Variants in TTC23 observed in about 807,000 individuals in gnomAD.
TTC23 encodes tetratricopeptide repeat domain 23, also known as tetratricopeptide repeat protein 23.
Under a neutral mutation model 55.1 loss-of-function variants are expected in TTC23, and 58 were observed. That is an observed-to-expected ratio of 1.05 (90% CI 0.85 to 1.31). The LOEUF (loss-of-function observed/expected upper bound fraction) is 1.31. Ranked by LOEUF, TTC23 falls within the 50% of genes most tolerant of loss-of-function variation. The pLI, the probability that TTC23 is intolerant of heterozygous loss-of-function variation, is 0.00. For synonymous variants in TTC23, 203 were observed against 199.9 expected, an observed-to-expected ratio of 1.02 and a Z score of -0.13; for missense variants, 516 against 534.4, an observed-to-expected ratio of 0.97 and a Z score of 0.34.
chr15:99,155,853 A>C, intron 12 of TTC23: 1 of 441,268 alleles, frequency 2.3e-6, no homozygotes, highest in Non-Finnish European at 4.0e-6. Context: ...CTATAAACTC[A>C]GTATAGAGAG....
At position 99,200,179 on chromosome 15, in the gene TTC23, G is replaced by A. The variant is rs546000627; in HGVS notation, c.582-83C>T. 9.7e-5 allele frequency: 122 copies of A among 1,253,956 alleles called. 1 individual carries two copies. The South Asian group carries it at 2.1e-3, about 22-fold the overall frequency. The allele number at this position is 1,253,956 out of a possible 1,614,324, so 77.7% of individuals were successfully genotyped here. A position where few individuals can be genotyped will look rare whatever the true frequency, so the allele number is the denominator to read the frequency against. On this transcript the variant is annotated intron_variant, in intron 8 of 13. Transcript: ENST00000394132. ...ATAGGTGAGCTGGTAGTTGGGATGTGACTCTTTGATCCCTGGTGTTCAGGT... is the reference window on the plus strand; with the variant it reads ...ATAGGTGAGCTGGTAGTTGGGATGTAACTCTTTGATCCCTGGTGTTCAGGT...
At chr15:99,159,399 T>C (rs529321826) in intron 11 of TTC23, 1 of 152,210 alleles carries the variant, frequency 6.6e-6, no homozygotes, top group Admixed American at 6.5e-5. Context: ...TCCACATGAA[T>C]ATATACTTAC....
intron 10 of TTC23, among the ~76,000 whole-genome samples, chr15:99,169,748 G>C (rs543748286): frequency 1.3e-3 from 192 of 152,352 alleles, no homozygotes; most frequent in African/African-American, 4.5e-3. Flanking sequence ...TGTGTAAAAT[G>C]TGGCTAGAGG....
chr15:99,155,225 G>C (rs527348615), intron 12 of TTC23: 4 of 152,230 alleles, frequency 2.6e-5, no homozygotes, highest in Admixed American at 6.5e-5. Context: ...CAAATGGTTA[G>C]AATTAAACTT....
chr15:99,171,661 C>G (rs1269601047), intron 10 of TTC23, among the ~76,000 whole-genome samples: 1 of 144,374 alleles, frequency 6.9e-6, no homozygotes, highest in Non-Finnish European at 1.5e-5. Flanking sequence ...CTCCAGGGTT[C>G]AAGTGATTCT....
chr15:99,221,185 G>A (rs958568431), intron 6 of TTC23, among the ~76,000 whole-genome samples: 1 of 151,450 alleles, frequency 6.6e-6, no homozygotes, highest in African/African-American at 2.5e-5. Context: ...GCAAAGAATG[G>A]AGCAAATACC....
intron 9 of TTC23, among the ~76,000 whole-genome samples, chr15:99,188,765 T>C (rs183964304): frequency 8.6e-4 from 131 of 152,250 alleles, no homozygotes; most frequent in African/African-American, 2.9e-3. Context: ...TGAGACGTCA[T>C]TTCTCATTCA....
At position 99,137,680 on chromosome 15, in the gene TTC23, C is replaced by T. The variant is rs1297702996; in HGVS notation, c.*330G>A. 1.1e-5 allele frequency: 3 copies of T among 269,808 alleles called. No homozygotes were observed. Among genetic ancestry groups the T allele is most frequent in the Non-Finnish European group, 1.4e-5 (2 of 138,672 alleles). The allele number at this position is 269,808 out of a possible 1,614,324, so 16.7% of individuals were successfully genotyped here. A position where few individuals can be genotyped will look rare whatever the true frequency, so the allele number is the denominator to read the frequency against. ...AAGGAGCTGTGTGTACAAGCAGATG[C>T]CGGGCTGACTCCTGCACAGGGCGCA... is the stretch of plus-strand genomic sequence containing the variant. On this transcript the variant is annotated 3_prime_UTR_variant, in exon 14 of 14. Transcript: ENST00000394132.
At chr15:99,211,294 G>C in intron 8 of TTC23, among the ~76,000 whole-genome samples, 1 of 152,110 alleles carries the variant, frequency 6.6e-6, no homozygotes, top group Non-Finnish European at 1.5e-5. Flanking sequence ...AGAATCGCTT[G>C]AACCTGGGAG....
At chr15:99,155,221 G>C (rs1228229171) in intron 12 of TTC23, 1 of 152,134 alleles carries the variant, frequency 6.6e-6, no homozygotes, top group Non-Finnish European at 1.5e-5. Flanking sequence ...AGATCAAATG[G>C]TTAGAATTAA....
intron 8 of TTC23, among the ~76,000 whole-genome samples, chr15:99,210,266 A>C (rs550464000): frequency 6.6e-6 from 1 of 152,310 alleles, no homozygotes; most frequent in African/African-American, 2.4e-5. Context: ...AAAACATTAA[A>C]GCTTTAGGAG....
At position 99,221,853 on chromosome 15, in the gene TTC23, G is replaced by A. The variant is rs753637278; in HGVS notation, c.192C>T (p.Ala64=). 5.6e-6 allele frequency: 9 copies of A among 1,613,880 alleles called. No homozygotes were observed. The highest frequency in any genetic ancestry group is 4.4e-5 in the South Asian group (4 of 91,060). The change falls in exon 6 of 14, where the codon GCC becomes GCT. Residue 64 remains alanine, a synonymous_variant. Coordinates refer to ENST00000394132, the MANE Select transcript of TTC23 (RefSeq NM_001288615.3). ...SYSNSHEYKQ[A]VHELVRCVAL... ...CTACGCAACGCACAAGCTCATGGACGGCCTGTTTGTACTGTTAGGAAGAGA... is the reference window on the plus strand; with the variant it reads ...CTACGCAACGCACAAGCTCATGGACAGCCTGTTTGTACTGTTAGGAAGAGA...
intron 8 of TTC23, 121 bp downstream of exon 8, chr15:99,218,467 A>G: frequency 1.6e-6 from 2 of 1,289,442 alleles, no homozygotes; most frequent in East Asian, 2.3e-5. Flanking sequence ...ACTTTTACAC[A>G]GTGACCTCCA....
chr15:99,225,226 T>G (rs2078293308), intron 5 of TTC23, among the ~76,000 whole-genome samples: 1 of 152,186 alleles, frequency 6.6e-6, no homozygotes, highest in African/African-American at 2.4e-5. Context: ...TCCTTATTTG[T>G]TACAAGGCAT....
chr15:99,202,863 GTTCCGTCA>G (rs1433070101), intron 8 of TTC23, among the ~76,000 whole-genome samples: 1 of 152,228 alleles, frequency 6.6e-6, no homozygotes, highest in Admixed American at 6.5e-5. Context: ...TTGAACCTTG[GTTCCGTCA>G]TCTGAACACA....
intron 10 of TTC23, among the ~76,000 whole-genome samples, chr15:99,166,246 C>T (rs1265710785): frequency 6.6e-6 from 1 of 152,164 alleles, no homozygotes; most frequent in African/African-American, 2.4e-5. Context: ...CTTTCTAGTC[C>T]TCTTCTTTGT....
At chr15:99,202,495 A>G (rs2076281859) in intron 8 of TTC23, among the ~76,000 whole-genome samples, 1 of 152,220 alleles carries the variant, frequency 6.6e-6, no homozygotes. Flanking sequence ...ATGAGCAAAA[A>G]AGAAAACAAT....
In TTC23 at chr15:99,156,293, G is replaced by A. The variant is rs2070552384; in HGVS notation, c.998C>T (p.Ala333Val). Reference protein sequence around the residue: ...FLQMTGQKERATSILRESLEA... With the variant: ...FLQMTGQKERVTSILRESLEA... Reference sequence around the variant, plus strand: ...CAGGGACTCTCTCAGGATCGAGGTTGCTCTCTGTGAAAGGAACAAAAAGCT... The same window carrying A: ...CAGGGACTCTCTCAGGATCGAGGTTACTCTCTGTGAAAGGAACAAAAAGCT... Residue 333 changes from alanine to valine, a missense_variant, in exon 12 of 14, where the codon GCA (alanine) becomes GTA (valine). Transcript: ENST00000394132. 6.2e-7 allele frequency: 1 copy of A among 1,614,032 alleles called. No individual in the cohort carries two copies.
At chr15:99,172,553 G>T (rs1281944314) in intron 10 of TTC23, among the ~76,000 whole-genome samples, 1 of 152,196 alleles carries the variant, frequency 6.6e-6, no homozygotes, top group Non-Finnish European at 1.5e-5. Context: ...AGAGCCTCTG[G>T]GGTGGTTGGC....
Sources: allele counts gnomAD v4.1 joint callset (sites outside exome capture counted in the v4.1 genomes callset), GRCh38; gene constraint gnomAD v4.1.1; transcripts MANE v1.5; gene names NCBI Gene and HGNC (gene_info 2026-07-23, HGNC 2026-07-21).